EYS: variants seen among roughly 807,000 people sequenced by gnomAD.
EYS encodes EGF-like photoreceptor maintenance factor.
EYS carries 250 observed loss-of-function variants against 282.1 expected under a neutral mutation model. That is an observed-to-expected ratio of 0.89 (90% confidence interval 0.80 to 0.98). EYS has a LOEUF of 0.98. Ranked by LOEUF, EYS falls within the 50% of genes least tolerant of loss-of-function variation. The pLI, the probability that EYS is intolerant of heterozygous loss-of-function variation, is 0.00. For missense variants in EYS, 4,016 were observed against 3,709.0 expected, an observed-to-expected ratio of 1.08 and a Z score of -2.15; for synonymous variants, 1,355 against 1,282.9, an observed-to-expected ratio of 1.06 and a Z score of -1.20.
chr6:64,422,178 G>A lies in EYS; in HGVS notation c.5927+13996C>T, dbSNP rs149753916. 3.7e-3 allele frequency among the ~76,000 whole-genome samples: 561 copies of A among 152,208 alleles called. 2 individuals carry two copies. The highest frequency in any genetic ancestry group is 0.024 in the Middle Eastern group (7 of 294). On this transcript the variant is annotated intron_variant, in intron 28 of 42. Transcript: ENST00000503581. The stretch of plus-strand genomic sequence containing the variant: ...TAGATAGACAGATAGATGACAGACA[G>A]ATAGACTTTTTTTTTCTAATAAAGA...
At chr6:65,072,479 G>T (rs920941312) in intron 12 of EYS, among the ~76,000 whole-genome samples, 1 of 151,658 alleles carries the variant, frequency 6.6e-6, no homozygotes, top group Non-Finnish European at 1.5e-5. Context: ...ATAAGCAAAA[G>T]AAATTATCAA....
chr6:64,823,850 T>C (rs1434610448), intron 19 of EYS, among the ~76,000 whole-genome samples: 2 of 151,968 alleles, frequency 1.3e-5, no homozygotes, highest in African/African-American at 4.8e-5. Context: ...CATAAGTTGC[T>C]ATGCTGAGTA....
At chr6:65,454,042 C>A (rs1016575896) in intron 5 of EYS, among the ~76,000 whole-genome samples, 1 of 118,268 alleles carries the variant, frequency 8.5e-6, no homozygotes, top group Non-Finnish European at 1.9e-5. Flanking sequence ...GGATACATAA[C>A]CACTGGGGGA....
intron 14 of EYS, among the ~76,000 whole-genome samples, chr6:64,973,472 A>AT (rs201847040): frequency 9.9e-5 from 15 of 151,978 alleles, no homozygotes; most frequent in Admixed American, 5.2e-4. Flanking sequence ...GGGTTATGTG[A>AT]TTTTTTTATC....
intron 36 of EYS, among the ~76,000 whole-genome samples, chr6:63,857,065 A>T (rs1216336700): frequency 6.6e-6 from 1 of 152,228 alleles, no homozygotes; most frequent in African/African-American, 2.4e-5. Context: ...AAAGTTTCTT[A>T]CTGAACATTT....
At chr6:65,196,705 C>T (rs1765774924) in intron 12 of EYS, among the ~76,000 whole-genome samples, 3 of 152,056 alleles carry the variant, frequency 2.0e-5, no homozygotes, top group African/African-American at 4.8e-5. Flanking sequence ...GCAGTAAGAG[C>T]ACAGCGAATG....
rs1768601904 is a variant in EYS, at chr6:65,294,183, G to T, written c.2023+1680C>A. On this transcript the variant is annotated intron_variant, in intron 12 of 42. Transcript: ENST00000503581. ...AGAAGGGGGCTGGAGAGAAAGAGGG[G>T]CATCTACTTTAAACTGCCCCCAAAA... 2.0e-5 allele frequency among the ~76,000 whole-genome samples: 3 copies of T among 151,768 alleles called. No individual in the cohort carries two copies. The South Asian group carries it at 6.2e-4, about 31-fold the overall frequency.
intron 1 of EYS, among the ~76,000 whole-genome samples, chr6:65,667,357 AC>A (rs1768236173): frequency 6.6e-6 from 1 of 151,828 alleles, no homozygotes; most frequent in Non-Finnish European, 1.5e-5. Context: ...TTAAATTCAT[AC>A]CATTCTCTTT....
chr6:64,676,092 G>GGA (rs368598963), intron 22 of EYS, among the ~76,000 whole-genome samples: 1 of 145,548 alleles, frequency 6.9e-6, no homozygotes, highest in Non-Finnish European at 1.5e-5. Flanking sequence ...AGAGAGAGAG[G>GGA]GAGAGAGAGA....
Position 65,684,529 on chromosome 6 carries a change from TGA to T in EYS, c.-448+22604_-448+22605del, listed in dbSNP as rs1434051683. Among the ~76,000 whole-genome samples the T allele has an allele frequency of 5.3e-5, 8 of 152,078 alleles. 1 individual carries two copies. Among genetic ancestry groups the T allele is most frequent in the African/African-American group, 1.9e-4 (8 of 41,548 alleles). ...TATGGTACAGAAATGAAGTGTTGTGTGAGAGTTTTTGATACACGTTTGTGTGT... is the reference window on the plus strand; with the variant it reads ...TATGGTACAGAAATGAAGTGTTGTGTGAGTTTTTGATACACGTTTGTGTGT... On this transcript the variant is annotated intron_variant, in intron 1 of 42. Transcript: ENST00000503581.
At chr6:64,884,105 C>T (rs1397217402) in intron 19 of EYS, among the ~76,000 whole-genome samples, 4 of 151,444 alleles carry the variant, frequency 2.6e-5, no homozygotes, top group Admixed American at 1.3e-4. Flanking sequence ...TCAAAGAATG[C>T]TCTGATTTAG....
At chr6:64,263,142 TA>T (rs563048777) in intron 30 of EYS, among the ~76,000 whole-genome samples, 371 of 152,196 alleles carry the variant, frequency 2.4e-3, no homozygotes, top group Non-Finnish European at 3.9e-3. Context: ...TCTGTATTAT[TA>T]AAAAAGAATC....
intron 14 of EYS, among the ~76,000 whole-genome samples, chr6:64,969,331 T>C (rs920592925): frequency 1.3e-5 from 2 of 152,178 alleles, no homozygotes; most frequent in African/African-American, 2.4e-5. Flanking sequence ...TACCAGAGAA[T>C]GTCTTTGCAA....
At chr6:65,518,845 T>A (rs546751391) in intron 2 of EYS, among the ~76,000 whole-genome samples, 226 of 152,116 alleles carry the variant, frequency 1.5e-3, no homozygotes, top group Non-Finnish European at 2.4e-3. Context: ...CAACATCAGA[T>A]CTGTGAGACT....
intron 12 of EYS, among the ~76,000 whole-genome samples, chr6:65,158,121 T>C (rs1764771229): frequency 6.6e-6 from 1 of 150,896 alleles, no homozygotes; most frequent in African/African-American, 2.4e-5. Context: ...CATCAAATAT[T>C]CTCATTCTGT....
intron 12 of EYS, among the ~76,000 whole-genome samples, chr6:65,189,246 C>G (rs1765585793): frequency 6.6e-6 from 1 of 151,548 alleles, no homozygotes; most frequent in Non-Finnish European, 1.5e-5. Flanking sequence ...ATATAAATAT[C>G]TATATGATTA....
chr6:64,904,285 A>G (rs1311494800), intron 16 of EYS, among the ~76,000 whole-genome samples: 1 of 152,148 alleles, frequency 6.6e-6, no homozygotes, highest in Admixed American at 6.5e-5. Context: ...GAGCCTGCAA[A>G]TGAATCTCTG....
intron 22 of EYS, among the ~76,000 whole-genome samples, chr6:64,675,402 C>T (rs960625367): frequency 1.4e-5 from 2 of 144,152 alleles, no homozygotes; most frequent in Non-Finnish European, 3.0e-5. Flanking sequence ...CCTTTCTTTT[C>T]GTTTTTCCTG....
chr6:65,399,361 C>T (rs191137847), intron 7 of EYS, among the ~76,000 whole-genome samples: 73 of 151,960 alleles, frequency 4.8e-4, no homozygotes, highest in African/African-American at 1.7e-3. Flanking sequence ...CAAGACCTTC[C>T]ATTTCAATCA....
Sources: allele counts gnomAD v4.1 joint callset (sites outside exome capture counted in the v4.1 genomes callset), GRCh38; gene constraint gnomAD v4.1.1; transcripts MANE v1.5; gene names NCBI Gene and HGNC (gene_info 2026-07-23, HGNC 2026-07-21).